DTNBP1: variants seen among roughly 807,000 people sequenced by gnomAD.
DTNBP1 encodes dysbindin.
Under a neutral mutation model 42.8 loss-of-function variants are expected in DTNBP1, and 35 were observed. The ratio of observed to expected loss-of-function variants is 0.82; its 90% CI spans 0.63 to 1.09. The LOEUF (loss-of-function observed/expected upper bound fraction) is 1.09. Ranked by LOEUF, DTNBP1 falls within the 50% of genes least tolerant of loss-of-function variation. The pLI is 0.00. For missense variants in DTNBP1, 457 were observed against 424.2 expected, an observed-to-expected ratio of 1.08 and a Z score of -0.68; for synonymous variants, 171 against 162.2, an observed-to-expected ratio of 1.05 and a Z score of -0.41.
chr6:15,585,714 C>T lies in DTNBP1; in HGVS notation c.511+7345G>A, dbSNP rs763688852. 6.5e-6 allele frequency: 10 copies of T among 1,534,836 alleles called. No homozygotes were observed. The South Asian group carries it at 7.1e-5, about 11-fold the overall frequency. ...AGGAAAAACAGAAAATAAAGTTCCA[C>T]CTACAGGGATCCCTCTGACTATTTT... is the stretch of plus-strand genomic sequence containing the variant. On this transcript the variant is annotated intron_variant, in intron 7 of 9. Coordinates refer to ENST00000344537, the MANE Select transcript of DTNBP1 (RefSeq NM_032122.5).
intron 1 of DTNBP1, 83 bp from the exon 2 acceptor site, chr6:15,652,223 C>G (rs1323303262): frequency 7.6e-6 from 9 of 1,177,048 alleles, no homozygotes; most frequent in African/African-American, 3.1e-5. Context: ...ACTCTGTCGT[C>G]CAGGCTGGAG....
intron 5 of DTNBP1, among the ~76,000 whole-genome samples, chr6:15,620,467 T>C (rs1581401993): frequency 6.6e-6 from 1 of 152,050 alleles, no homozygotes. Flanking sequence ...GAATTACAGG[T>C]GTGAGCCACC....
At chr6:15,579,789 C>T (rs1380784277) in intron 7 of DTNBP1, 3 of 450,236 alleles carry the variant, frequency 6.7e-6, no homozygotes, top group Non-Finnish European at 1.3e-5. Flanking sequence ...GCCTGGCCGA[C>T]AGAGTGAGAC....
intron 6 of DTNBP1, among the ~76,000 whole-genome samples, chr6:15,594,738 C>T (rs1456646428): frequency 6.6e-6 from 1 of 151,908 alleles, no homozygotes; most frequent in Non-Finnish European, 1.5e-5. Context: ...ACAGAACACT[C>T]AGTTCAATAT....
intron 1 of DTNBP1, among the ~76,000 whole-genome samples, chr6:15,654,904 A>G (rs1240995635): frequency 6.6e-6 from 1 of 152,232 alleles, no homozygotes; most frequent in African/African-American, 2.4e-5. Flanking sequence ...TGTTAATTTT[A>G]TTAGTTATGA....
chr6:15,651,544 C>T lies in DTNBP1; in HGVS notation c.111-181G>A, dbSNP rs144410214. ...GAGTTAATGTACTGTATGTAACACA[C>T]TATCAACCATCATTTTGCCCCAGAG... On this transcript the variant is annotated intron_variant, in intron 2 of 9. Transcript: ENST00000344537. The T allele has an allele frequency of 6.7e-4, 503 of 751,490 alleles. 1 individual carries two copies. The African/African-American group carries it at 7.9e-3, about 12-fold the overall frequency. The allele number at this position is 751,490 out of a possible 1,614,324, so 46.6% of individuals were successfully genotyped here. A position where few individuals can be genotyped will look rare whatever the true frequency, so the allele number is the denominator to read the frequency against.
intron 5 of DTNBP1, among the ~76,000 whole-genome samples, chr6:15,618,266 A>G (rs191418617): frequency 2.0e-5 from 3 of 152,286 alleles, no homozygotes; most frequent in African/African-American, 7.2e-5. Flanking sequence ...AATGTTCAAC[A>G]TCACTAATTA....
chr6:15,621,655 C>T (rs1252314973), intron 5 of DTNBP1, among the ~76,000 whole-genome samples: 3 of 152,170 alleles, frequency 2.0e-5, no homozygotes, highest in Non-Finnish European at 4.4e-5. Flanking sequence ...TATGTTCTCC[C>T]CTTTAAAAAG....
At position 15,593,215 on chromosome 6, in the gene DTNBP1, T is replaced by G. The variant is rs572719793; in HGVS notation, c.489-134A>C. On this transcript the variant is annotated intron_variant, in intron 6 of 9. Coordinates refer to ENST00000344537, the MANE Select transcript of DTNBP1 (RefSeq NM_032122.5). ...GTATTTCTGGATCTTCACATATCAG[T>G]TATACTTTACTGAAATGACCAGTAC... 3.7e-6 allele frequency: 3 copies of G among 816,882 alleles called. No homozygotes were observed. The South Asian group carries it at 5.4e-5, about 15-fold the overall frequency. 50.6% of individuals were successfully genotyped at this position (816,882 alleles called of 1,614,324 possible).
At chr6:15,647,801 T>C (rs901950590) in intron 3 of DTNBP1, among the ~76,000 whole-genome samples, 1 of 151,890 alleles carries the variant, frequency 6.6e-6, no homozygotes, top group Admixed American at 6.6e-5. Flanking sequence ...CTGGACTTGA[T>C]TGCTTCACTG....
chr6:15,598,517 G>A, intron 6 of DTNBP1, among the ~76,000 whole-genome samples: 1 of 152,136 alleles, frequency 6.6e-6, no homozygotes, highest in Admixed American at 6.5e-5. Flanking sequence ...CCTGAACAGT[G>A]TCCCTTTGTT....
intron 3 of DTNBP1, among the ~76,000 whole-genome samples, chr6:15,639,353 G>A (rs1760208357): frequency 6.6e-6 from 1 of 152,286 alleles, no homozygotes; most frequent in East Asian, 1.9e-4. Flanking sequence ...CTATTCATTT[G>A]ATTGCTGATG....
At chr6:15,568,118 C>T (rs571519857) in intron 7 of DTNBP1, among the ~76,000 whole-genome samples, 7 of 152,190 alleles carry the variant, frequency 4.6e-5, no homozygotes, top group Non-Finnish European at 1.0e-4. Context: ...AAATAATTCT[C>T]TAACTTTCCC....
intron 8 of DTNBP1, among the ~76,000 whole-genome samples, chr6:15,526,641 A>G (rs1319800805): frequency 2.0e-5 from 3 of 152,158 alleles, no homozygotes; most frequent in African/African-American, 7.2e-5. Context: ...CTGGATCTTC[A>G]AGGCTGAGTG....
chr6:15,651,997 G>C, intron 2 of DTNBP1, 90 bp downstream of exon 2: 1 of 1,152,668 alleles, frequency 8.7e-7, no homozygotes, highest in South Asian at 1.4e-5. Flanking sequence ...CAAATCTAAG[G>C]TTCATTAATA....
intron 9 of DTNBP1, chr6:15,524,119 T>C (rs755667462): frequency 3.7e-6 from 5 of 1,356,502 alleles, no homozygotes; most frequent in African/African-American, 1.5e-5. Context: ...GCTTTGCCCA[T>C]GGCAGGCACG....
At position 15,564,407 on chromosome 6, in the gene DTNBP1, C is replaced by T. The variant is rs577540938; in HGVS notation, c.511+28652G>A. ...AGCAGACAAAAAAAATTTTTCCTTT[C>T]TTTTTTTTTGATTTTTTTGAGACAA... On this transcript the variant is annotated intron_variant, in intron 7 of 9. Transcript: ENST00000344537. 5.4e-3 allele frequency among the ~76,000 whole-genome samples: 811 copies of T among 151,018 alleles called. 3 individuals carry two copies. Among genetic ancestry groups the T allele is most frequent in the Middle Eastern group, 0.027 (8 of 294 alleles).
intron 1 of DTNBP1, among the ~76,000 whole-genome samples, chr6:15,657,452 T>G (rs754072268): frequency 7.2e-5 from 11 of 152,200 alleles, no homozygotes; most frequent in Admixed American, 2.0e-4. Flanking sequence ...TCCTTTAAAC[T>G]TCTATCAGCA....
chr6:15,583,756 G>T (rs1195927656), intron 7 of DTNBP1, among the ~76,000 whole-genome samples: 4 of 152,148 alleles, frequency 2.6e-5, no homozygotes, highest in African/African-American at 9.7e-5. Flanking sequence ...ACAAAACGTT[G>T]TCCTGATTCA....
Sources: allele counts gnomAD v4.1 joint callset (sites outside exome capture counted in the v4.1 genomes callset), GRCh38; gene constraint gnomAD v4.1.1; transcripts MANE v1.5; gene names NCBI Gene and HGNC (gene_info 2026-07-23, HGNC 2026-07-21).